CBFB: variants seen among roughly 807,000 people sequenced by gnomAD.
The protein encoded by CBFB is core-binding factor subunit beta.
Under a neutral mutation model 30.4 loss-of-function variants are expected in CBFB, and 9 were observed. The observed-to-expected ratio is 0.30, with a 90% CI of 0.18 to 0.52. The LOEUF is 0.52. Among genes scored for constraint, CBFB ranks in the 20% least tolerant of loss-of-function variants. The pLI is 0.97. For synonymous variants in CBFB, 94 were observed against 84.0 expected, an observed-to-expected ratio of 1.12 and a Z score of -0.65; for missense variants, 170 against 244.0, an observed-to-expected ratio of 0.70 and a Z score of 2.02.
rs1197029914 is a variant in CBFB, at chr16:67,098,803, G to T, written c.*25G>T. ...ATTAATAGCACAGCAGATGTGTGCT[G>T]CCCATCTTTACATACACATTGCTTC... On this transcript the variant is annotated 3_prime_UTR_variant, in exon 6 of 6. Coordinates refer to ENST00000412916, the MANE Select transcript of CBFB (RefSeq NM_022845.3). The T allele has an allele frequency of 2.2e-6, 3 of 1,357,038 alleles. No homozygotes were observed. Among genetic ancestry groups the T allele is most frequent in the Non-Finnish European group, 2.1e-6 (2 of 948,412 alleles). 84.1% of individuals were successfully genotyped at this position (1,357,038 alleles called of 1,614,324 possible).
chr16:67,067,070 G>C, intron 4 of CBFB: 1 of 226,816 alleles, frequency 4.4e-6, no homozygotes, highest in Non-Finnish European at 8.7e-6. Flanking sequence ...ATTTATTCTT[G>C]ATCTTTAGAA....
chr16:67,060,179 A>G (rs1227417034), intron 3 of CBFB, among the ~76,000 whole-genome samples: 20 of 151,938 alleles, frequency 1.3e-4, no homozygotes, highest in Admixed American at 8.5e-4. Flanking sequence ...AGGTCTCACT[A>G]TGTTGCCCTG....
chr16:67,067,800 C>T (rs1459249928), intron 4 of CBFB, among the ~76,000 whole-genome samples: 1 of 152,158 alleles, frequency 6.6e-6, no homozygotes. Flanking sequence ...CATTTGCTAA[C>T]AGTCTGGCAA....
At chr16:67,052,139 C>T (rs1039696860) in intron 3 of CBFB, among the ~76,000 whole-genome samples, 2 of 152,122 alleles carry the variant, frequency 1.3e-5, no homozygotes, top group East Asian at 1.9e-4. Context: ...CTCAGCCTCC[C>T]GCAGTGCTGG....
Position 67,099,002 on chromosome 16 carries a change from T to G in CBFB, c.*224T>G, listed in dbSNP as rs1962141491. 1.7e-5 allele frequency: 7 copies of G among 414,266 alleles called. No homozygotes were observed. The highest frequency in any genetic ancestry group is 3.6e-5 in the East Asian group (1 of 28,124). 25.7% of individuals were successfully genotyped at this position (414,266 alleles called of 1,614,324 possible). A position where few individuals can be genotyped will look rare whatever the true frequency, so the allele number is the denominator to read the frequency against. Reference sequence around the variant, plus strand: ...GCATGTAGCCAGTAATAATTTGAAGTTTTTTTTCTATGCAAGCTTACCTTG... The same window carrying G: ...GCATGTAGCCAGTAATAATTTGAAGGTTTTTTTCTATGCAAGCTTACCTTG... On this transcript the variant is annotated 3_prime_UTR_variant, in exon 6 of 6. Transcript: ENST00000412916.
rs369575449 is a variant in CBFB at position 67,029,711 on chromosome 16, C to T, written c.79-16C>T. On this transcript the variant is annotated splice_polypyrimidine_tract_variant and intron_variant, in intron 1 of 5. Transcript: ENST00000412916. ...CGCGGATTTGGCTCCTGATTTCGGG[C>T]CGTCTTGCCTTGCAGATTAAGTACA... 3 of 1,577,990 alleles carry T rather than the reference C, an allele frequency of 1.9e-6. No individual in the cohort carries two copies. Among genetic ancestry groups the T allele is most frequent in the East Asian group, 2.4e-5 (1 of 41,296 alleles).
intron 4 of CBFB, among the ~76,000 whole-genome samples, chr16:67,073,944 G>A (rs1209022421): frequency 6.7e-6 from 1 of 149,502 alleles, no homozygotes; most frequent in Non-Finnish European, 1.5e-5. Context: ...CAGGAGAATG[G>A]CATGAACCCA....
chr16:67,041,560 C>T (rs1966530595), intron 3 of CBFB, among the ~76,000 whole-genome samples: 1 of 151,982 alleles, frequency 6.6e-6, no homozygotes, highest in Admixed American at 6.6e-5. Context: ...TGAGATCGTG[C>T]CACTGCACTC....
At chr16:67,088,449 T>C (rs1961788722) in intron 5 of CBFB, among the ~76,000 whole-genome samples, 1 of 152,198 alleles carries the variant, frequency 6.6e-6, no homozygotes, top group African/African-American at 2.4e-5. Flanking sequence ...TTGCTCTCCC[T>C]CAAATATTTG....
At chr16:67,054,050 A>G (rs1043201202) in intron 3 of CBFB, among the ~76,000 whole-genome samples, 43 of 152,114 alleles carry the variant, frequency 2.8e-4, no homozygotes, top group African/African-American at 9.4e-4. Context: ...CATCTCTTCA[A>G]TCTAGACTGA....
At chr16:67,052,768 C>G (rs1326057641) in intron 3 of CBFB, among the ~76,000 whole-genome samples, 6 of 151,926 alleles carry the variant, frequency 3.9e-5, no homozygotes, top group Admixed American at 3.9e-4. Flanking sequence ...TACAGACCAG[C>G]CCGGGCAACA....
chr16:67,082,150 A>AAC, intron 4 of CBFB, 63 bp from the exon 5 acceptor site: 1 of 1,349,882 alleles, frequency 7.4e-7, no homozygotes, highest in Non-Finnish European at 9.9e-7. Flanking sequence ...AAAAAACAAA[A>AAC]CCCAAATATT....
At chr16:67,039,559 C>A (rs957666666) in intron 3 of CBFB, among the ~76,000 whole-genome samples, 8 of 152,154 alleles carry the variant, frequency 5.3e-5, no homozygotes, top group Admixed American at 1.3e-4. Flanking sequence ...TATAATCTTA[C>A]AAGACCACTG....
At chr16:67,088,556 CG>C (rs759384442) in intron 5 of CBFB, among the ~76,000 whole-genome samples, 12 of 152,110 alleles carry the variant, frequency 7.9e-5, no homozygotes, top group Non-Finnish European at 1.3e-4. Context: ...CCACACCACC[CG>C]TAAAGATGCT....
intron 2 of CBFB, among the ~76,000 whole-genome samples, chr16:67,030,792 G>T (rs1293671798): frequency 6.6e-6 from 1 of 152,204 alleles, no homozygotes; most frequent in East Asian, 1.9e-4. Flanking sequence ...TAGAGACGGG[G>T]TTTCACCTTG....
At chr16:67,045,282 G>A (rs1170192858) in intron 3 of CBFB, among the ~76,000 whole-genome samples, 2 of 152,128 alleles carry the variant, frequency 1.3e-5, no homozygotes, top group Non-Finnish European at 2.9e-5. Flanking sequence ...TTGGGAGGCC[G>A]AGGCAGGTGG....
At chr16:67,058,136 T>C (rs1243413683) in intron 3 of CBFB, among the ~76,000 whole-genome samples, 2 of 152,024 alleles carry the variant, frequency 1.3e-5, no homozygotes, top group African/African-American at 4.8e-5. Context: ...TCGGTTGTTG[T>C]TGTTGTTGTT....
chr16:67,056,953 T>TA (rs1424992602), intron 3 of CBFB, among the ~76,000 whole-genome samples: 1 of 151,966 alleles, frequency 6.6e-6, no homozygotes, highest in Non-Finnish European at 1.5e-5. Context: ...GTGCAGGGAT[T>TA]ACAGGCGTGA....
Position 67,080,912 on chromosome 16 carries a change from CTT to C in CBFB, c.400-1300_400-1299del, listed in dbSNP as rs950291871. On this transcript the variant is annotated intron_variant, in intron 4 of 5. Transcript: ENST00000412916. ...AGTTGTTAGAATATGATTAACATGA[CTT>C]ATGTTTCCAAGGTGTGGCATAAAAT... Among the ~76,000 whole-genome samples, 4 of 152,188 alleles carry C rather than the reference CTT, an allele frequency of 2.6e-5. No individual in the cohort carries two copies. The East Asian group carries it at 7.7e-4, about 29-fold the overall frequency.
Sources: allele counts gnomAD v4.1 joint callset (sites outside exome capture counted in the v4.1 genomes callset), GRCh38; gene constraint gnomAD v4.1.1; transcripts MANE v1.5; gene names NCBI Gene and HGNC (gene_info 2026-07-23, HGNC 2026-07-21).